Variants in MAGI1 observed in about 807,000 individuals in gnomAD.
MAGI1 encodes membrane associated guanylate kinase, WW and PDZ domain containing 1, also known as membrane-associated guanylate kinase, WW and PDZ domain-containing protein 1.
In MAGI1, 58 loss-of-function variants were observed where a neutral mutation model predicts 139.9. The ratio of observed to expected loss-of-function variants is 0.41; its 90% CI spans 0.34 to 0.52. The LOEUF (loss-of-function observed/expected upper bound fraction) is 0.52. Ranked by LOEUF, MAGI1 falls within the 20% of genes least tolerant of loss-of-function variation. The pLI, the probability that MAGI1 is intolerant of heterozygous loss-of-function variation, is 0.12. For missense variants in MAGI1, 1,874 were observed against 1,901.6 expected, an observed-to-expected ratio of 0.99 and a Z score of 0.27; for synonymous variants, 812 against 737.9, an observed-to-expected ratio of 1.10 and a Z score of -1.63.
chr3:65,816,509 C>G (rs1282388729), intron 1 of MAGI1, among the ~76,000 whole-genome samples: 4 of 152,064 alleles, frequency 2.6e-5, no homozygotes, highest in Non-Finnish European at 5.9e-5. Context: ...AATGTGTCAA[C>G]TGAGATGTTG....
intron 2 of MAGI1, among the ~76,000 whole-genome samples, chr3:65,508,029 C>T (rs758450065): frequency 1.3e-5 from 2 of 152,188 alleles, no homozygotes; most frequent in African/African-American, 2.4e-5. Context: ...TTTACCCACA[C>T]TGACTTTAAA....
intron 1 of MAGI1, among the ~76,000 whole-genome samples, chr3:65,693,722 G>T (rs1027255890): frequency 8.3e-4 from 119 of 143,100 alleles, no homozygotes; most frequent in African/African-American, 3.0e-3. Flanking sequence ...TTTGTTTTTT[G>T]TTGTTGTTGT....
At chr3:65,688,067 C>A (rs2088218354) in intron 1 of MAGI1, 2 of 764,634 alleles carry the variant, frequency 2.6e-6, no homozygotes, top group Non-Finnish European at 4.7e-6. Flanking sequence ...GCTGTGATAA[C>A]CCCAACAGAC....
intron 1 of MAGI1, among the ~76,000 whole-genome samples, chr3:65,731,917 G>A (rs1310584326): frequency 6.6e-6 from 1 of 152,136 alleles, no homozygotes; most frequent in Non-Finnish European, 1.5e-5. Flanking sequence ...CTAAATTTTA[G>A]AAACTGTTGT....
chr3:65,427,373 TAGGCGA>T (rs1309976821), intron 12 of MAGI1, among the ~76,000 whole-genome samples: 1 of 152,164 alleles, frequency 6.6e-6, no homozygotes, highest in East Asian at 1.9e-4. Flanking sequence ...TTTGCTGGCT[TAGGCGA>T]ATTCATTACA....
chr3:66,018,646 G>A (rs1157443906), intron 1 of MAGI1, among the ~76,000 whole-genome samples: 1 of 152,170 alleles, frequency 6.6e-6, no homozygotes, highest in Non-Finnish European at 1.5e-5. Context: ...AGGTGGACTT[G>A]GTACAGCCTT....
At chr3:65,982,145 T>G (rs749793966) in intron 1 of MAGI1, among the ~76,000 whole-genome samples, 2 of 152,310 alleles carry the variant, frequency 1.3e-5, no homozygotes, top group African/African-American at 4.8e-5. Context: ...AGAGCTGGAT[T>G]TACTCTAACA....
At chr3:65,666,712 C>T (rs777792469) in intron 1 of MAGI1, among the ~76,000 whole-genome samples, 1 of 152,048 alleles carries the variant, frequency 6.6e-6, no homozygotes, top group African/African-American at 2.4e-5. Flanking sequence ...TGGTGGAGGC[C>T]ATAGAAAAAG....
intron 1 of MAGI1, among the ~76,000 whole-genome samples, chr3:65,944,340 C>G (rs922151121): frequency 1.3e-5 from 2 of 152,012 alleles, no homozygotes; most frequent in Non-Finnish European, 2.9e-5. Context: ...TAGCGAGACT[C>G]TATCTCTACA....
At chr3:65,885,121 G>A (rs9865307) in intron 1 of MAGI1, among the ~76,000 whole-genome samples, 2,110 of 152,118 alleles carry the variant, frequency 0.014, 44 homozygotes, top group African/African-American at 0.042. Flanking sequence ...TTTTCAGGTC[G>A]GGCGCAGCAG....
intron 1 of MAGI1, among the ~76,000 whole-genome samples, chr3:65,967,420 A>T (rs2064806742): frequency 6.6e-6 from 1 of 152,284 alleles, no homozygotes; most frequent in South Asian, 2.1e-4. Flanking sequence ...TTACGCCAAT[A>T]ATGTCAGGAT....
chr3:65,467,482 G>A (rs1409125723), intron 5 of MAGI1, among the ~76,000 whole-genome samples: 3 of 152,154 alleles, frequency 2.0e-5, no homozygotes, highest in Admixed American at 1.3e-4. Context: ...TAATATATAT[G>A]AAATTTGATA....
intron 1 of MAGI1, among the ~76,000 whole-genome samples, chr3:65,680,605 G>C (rs1297549696): frequency 1.3e-5 from 2 of 151,974 alleles, no homozygotes; most frequent in Non-Finnish European, 2.9e-5. Flanking sequence ...ATTTTTAGTA[G>C]AGACAAGGTC....
At chr3:65,553,773 G>C (rs1457177570) in intron 2 of MAGI1, among the ~76,000 whole-genome samples, 1 of 152,132 alleles carries the variant, frequency 6.6e-6, no homozygotes, top group African/African-American at 2.4e-5. Flanking sequence ...ACTATGTTTA[G>C]ACCTTGGACT....
intron 17 of MAGI1, among the ~76,000 whole-genome samples, chr3:65,376,902 C>A (rs1387376104): frequency 6.6e-6 from 1 of 152,176 alleles, no homozygotes; most frequent in Non-Finnish European, 1.5e-5. Flanking sequence ...TCATTGCTAA[C>A]TTCTAGAGAG....
chr3:65,961,234 G>T (rs2064409643), intron 1 of MAGI1, among the ~76,000 whole-genome samples: 1 of 152,156 alleles, frequency 6.6e-6, no homozygotes, highest in African/African-American at 2.4e-5. Context: ...AAACGAACTG[G>T]TCTCTGTCCA....
intron 1 of MAGI1, among the ~76,000 whole-genome samples, chr3:65,695,216 A>T (rs1430564561): frequency 1.3e-5 from 2 of 152,236 alleles, no homozygotes; most frequent in African/African-American, 4.8e-5. Flanking sequence ...AAGAAAGACA[A>T]AAATGGGAAA....
intron 1 of MAGI1, among the ~76,000 whole-genome samples, chr3:65,652,895 C>T (rs2085665162): frequency 6.6e-6 from 1 of 152,038 alleles, no homozygotes; most frequent in South Asian, 2.1e-4. Flanking sequence ...AGCCATGATG[C>T]CCAAAACTTC....
Position 65,979,911 on chromosome 3 carries a change from T to A in MAGI1, c.313+58085A>T, listed in dbSNP as rs116370100. Among the ~76,000 whole-genome samples the A allele has an allele frequency of 7.3e-3, 1,109 of 152,280 alleles. 12 individuals are homozygous for A. The highest frequency in any genetic ancestry group is 0.026 in the African/African-American group (1,062 of 41,542). ...CAGCACCCTGGACTCCAGAGAGTCA[T>A]CTTGAAAGTATGTGCGGGTGATTAA... On this transcript the variant is annotated intron_variant, in intron 1 of 22. Coordinates refer to ENST00000402939, the MANE Select transcript of MAGI1 (RefSeq NM_001033057.2).
Sources: allele counts gnomAD v4.1 joint callset (sites outside exome capture counted in the v4.1 genomes callset), GRCh38; gene constraint gnomAD v4.1.1; transcripts MANE v1.5; gene names NCBI Gene and HGNC (gene_info 2026-07-23, HGNC 2026-07-21).